The following ABCB4 variants were observed in gnomAD, a reference collection of about 807,000 sequenced individuals.
ABCB4 encodes the protein ATP binding cassette subfamily B member 4.
In ABCB4, 76 loss-of-function variants were observed where a neutral mutation model predicts 145.7. The observed-to-expected ratio is 0.52, with a 90% CI of 0.43 to 0.63. The LOEUF (loss-of-function observed/expected upper bound fraction) is 0.63, where lower values mean the gene tolerates loss of function less well. Among genes scored for constraint, ABCB4 ranks in the 30% least tolerant of loss-of-function variants. The pLI is 0.00. For missense variants in ABCB4, 1,234 were observed against 1,553.1 expected (o/e 0.79, Z 3.45); for synonymous variants, 517 against 566.8 (o/e 0.91, Z 1.25).
chr7:87,458,987 T>TAAAAAAAAAAAAAAA (rs77823347), intron 4 of ABCB4, among the ~76,000 whole-genome samples: 1 of 120,690 alleles, frequency 8.3e-6, no homozygotes, highest in Non-Finnish European at 1.8e-5. Context: ...AGGCACAAGT[T>TAAAAAAAAAAAAAAA]AAAAAAAAAA....
the ABCB4 span, among the ~76,000 whole-genome samples, chr7:87,366,904 T>A: frequency 6.6e-6 from 1 of 152,232 alleles, no homozygotes; most frequent in Admixed American, 6.5e-5. Flanking sequence ...CGGTGCTATC[T>A]TCCTTGGTTA....
chr7:87,429,685 T>C (rs924122481), intron 15 of ABCB4, among the ~76,000 whole-genome samples: 2 of 152,200 alleles, frequency 1.3e-5, no homozygotes, highest in African/African-American at 4.8e-5. Flanking sequence ...ATTTTATGCA[T>C]TCCTAACTAG....
the ABCB4 span, chr7:87,382,651 A>G: frequency 9.0e-7 from 1 of 1,110,402 alleles, no homozygotes; most frequent in Non-Finnish European, 1.3e-6. Context: ...CTTTTTTCCC[A>G]GCTGGTACTG....
chr7:87,377,327 G>C, the ABCB4 span: 1 of 1,473,434 alleles, frequency 6.8e-7, no homozygotes. Flanking sequence ...CTTTTAATTT[G>C]GAAAAATTAA....
At chr7:87,388,691 AAT>A in the ABCB4 span, among the ~76,000 whole-genome samples, 1 of 152,226 alleles carries the variant, frequency 6.6e-6, no homozygotes, top group Non-Finnish European at 1.5e-5. Flanking sequence ...AAACCTAGGC[AAT>A]ATCATTCAGG....
chr7:87,459,631 C>A (rs565674068), intron 4 of ABCB4, among the ~76,000 whole-genome samples: 21 of 151,474 alleles, frequency 1.4e-4, no homozygotes, highest in Non-Finnish European at 3.1e-4. Context: ...AAGGTGTATA[C>A]GTCAACAGTT....
chr7:87,426,032 A>C (rs557111533), intron 16 of ABCB4, among the ~76,000 whole-genome samples: 6 of 152,304 alleles, frequency 3.9e-5, no homozygotes, highest in Admixed American at 3.9e-4. Context: ...ACAGCAAAAA[A>C]AAAAAATTGA....
intron 20 of ABCB4, among the ~76,000 whole-genome samples, chr7:87,418,140 T>A (rs1249644238): frequency 1.3e-5 from 2 of 152,166 alleles, no homozygotes; most frequent in Non-Finnish European, 2.9e-5. Context: ...GAGACAGTGG[T>A]TCAGGGTGGG....
chr7:87,457,445 C>T (rs1812171728), intron 4 of ABCB4, among the ~76,000 whole-genome samples: 1 of 152,136 alleles, frequency 6.6e-6, no homozygotes, highest in Non-Finnish European at 1.5e-5. Context: ...TTCTAATATG[C>T]CAGGATGGAG....
At chr7:87,468,158 T>C (rs964120780) in intron 3 of ABCB4, among the ~76,000 whole-genome samples, 2 of 151,182 alleles carry the variant, frequency 1.3e-5, no homozygotes, top group Non-Finnish European at 3.0e-5. Context: ...GCAAGACCAA[T>C]AAAGAAGAAA....
Position 87,452,957 on chromosome 7 carries a change from T to C in ABCB4, c.523A>G (p.Thr175Ala), listed in dbSNP as rs58238559. The change falls in exon 6 of 28, where the codon ACG (threonine) becomes GCG (alanine). Residue 175 changes from threonine to alanine, a missense_variant. This residue lies in a region of ABCB4 where 467 missense variants were observed against 632.8 expected (regional missense o/e 0.74). Transcript: ENST00000649586. ...FDINDTTELNTRLTDDISKIS... is the reference protein window; with the variant it reads ...FDINDTTELNARLTDDISKIS... ...CAATGTACCTACTCTGTTAGCCGCG[T>C]ATTGAGTTCAGTGGTGTCGTTGATG... 9.3e-3 allele frequency: 15,065 copies of C among 1,613,900 alleles called. 146 individuals carry two copies. Among genetic ancestry groups the C allele is most frequent in the South Asian group, 0.014 (1,232 of 91,078 alleles).
intron 24 of ABCB4, among the ~76,000 whole-genome samples, chr7:87,408,641 C>T (rs1241926215): frequency 6.6e-6 from 1 of 152,198 alleles, no homozygotes; most frequent in African/African-American, 2.4e-5. Flanking sequence ...TTCTTAAGTT[C>T]ACTTTCTTTA....
chr7:87,472,632 C>T lies in ABCB4; in HGVS notation c.124G>A (p.Val42Ile), dbSNP rs746249103. 1.2e-6 allele frequency: 2 copies of T among 1,609,032 alleles called. No homozygotes were observed. The highest frequency in any genetic ancestry group is 1.7e-6 in the Non-Finnish European group (2 of 1,175,642). The change falls in exon 3 of 28, where the codon GTA (valine) becomes ATA (isoleucine). Residue 42 changes from valine to isoleucine, a missense_variant. By Grantham distance (29) the Val-to-Ile change is conservative. This residue lies in a region of ABCB4 where 77 missense variants were observed against 73.3 expected (regional missense o/e 1.05). Transcript: ENST00000649586. ...ATTTCACAGCTTACCAATGTTAATA[C>T]TCCAATCATTTTCACTGTCTTCGTT... ...KKTKTVKMIG[V>I]LTLFRYSDWQ...
chr7:87,408,137 T>G lies in ABCB4; in HGVS notation c.3179A>C (p.Lys1060Thr), dbSNP rs373011908. 3 of 1,614,104 alleles carry G rather than the reference T, an allele frequency of 1.9e-6. No homozygotes were observed. In the African/African-American group the frequency reaches 4.0e-5, roughly 22 times the overall value. ...CACCAGGGCTAGTGTCTGGCCTTTC[T>G]TCACCTCCAGGCTCAGCCCCTGAAG... Reference protein sequence around the residue: ...PVLQGLSLEVKKGQTLALVGS... With the variant: ...PVLQGLSLEVTKGQTLALVGS... The change falls in exon 25 of 28, where the codon AAG (lysine) becomes ACG (threonine). Residue 1060 changes from lysine to threonine, a missense_variant. Coordinates refer to ENST00000649586, the MANE Select transcript of ABCB4 (RefSeq NM_000443.4).
chr7:87,403,608 C>G (rs1807964197), intron 26 of ABCB4, among the ~76,000 whole-genome samples: 1 of 152,224 alleles, frequency 6.6e-6, no homozygotes, highest in Non-Finnish European at 1.5e-5. Context: ...ATGTGCTATA[C>G]TCTTATACAA....
chr7:87,369,647 T>C, the ABCB4 span: 2 of 312,336 alleles, frequency 6.4e-6, no homozygotes, highest in Non-Finnish European at 1.2e-5. Flanking sequence ...ATTTAAATTA[T>C]TTTTAAATTT....
chr7:87,423,444 T>G (rs1809586378), intron 17 of ABCB4: 1 of 205,354 alleles, frequency 4.9e-6, no homozygotes. Context: ...AGCCATGTTA[T>G]GAGGTAGATT....
Position 87,475,431 on chromosome 7 carries a change from C to T in ABCB4, c.35G>A (p.Trp12Ter). The T allele has an allele frequency of 1.2e-6, 2 of 1,614,242 alleles. No homozygotes were observed. Among genetic ancestry groups the T allele is most frequent in the Non-Finnish European group, 1.7e-6 (2 of 1,180,046 alleles). ...DLEAAKNGTA[W>*]RPTSAEGDFE... Reference sequence around the variant, plus strand: ...GTCGCCCTCCGCGCTCGTGGGGCGCCAGGCTGTTCCGTTCTTTGCCGCCTC... The same window carrying T: ...GTCGCCCTCCGCGCTCGTGGGGCGCTAGGCTGTTCCGTTCTTTGCCGCCTC... Residue 12 changes from tryptophan (W) to a stop codon, truncating the protein, a stop_gained, in exon 2 of 28, where the codon TGG (tryptophan) becomes TAG (stop). Transcript: ENST00000649586. LOFTEE classifies it high-confidence loss of function.
At chr7:87,395,872 T>C in the ABCB4 span, among the ~76,000 whole-genome samples, 3 of 152,048 alleles carry the variant, frequency 2.0e-5, no homozygotes, top group Non-Finnish European at 4.4e-5. Flanking sequence ...CAGGACTCAA[T>C]AGAAAGGATT....
Sources: gnomAD v4.1 joint callset for allele counts (sites outside exome capture counted in the v4.1 genomes callset) on GRCh38, gnomAD v4.1.1 for gene constraint, gnomAD v4.1.1 regional missense constraint, MANE v1.5 for transcripts, NCBI Gene and HGNC (gene_info 2026-07-23, HGNC 2026-07-21) for gene names.